The following PTPRR variants were observed in gnomAD, a reference collection of about 807,000 sequenced individuals.
PTPRR encodes the protein receptor-type tyrosine-protein phosphatase R.
Under a neutral mutation model 77.2 loss-of-function variants are expected in PTPRR, and 38 were observed. The ratio of observed to expected loss-of-function variants is 0.49; its 90% CI spans 0.38 to 0.65. The LOEUF (loss-of-function observed/expected upper bound fraction) is 0.65. Among genes scored for constraint, PTPRR ranks in the 30% least tolerant of loss-of-function variants. The pLI, the probability that PTPRR is intolerant of heterozygous loss-of-function variation, is 0.00. For missense variants in PTPRR, 744 were observed against 799.2 expected, an observed-to-expected ratio of 0.93 and a Z score of 0.83; for synonymous variants, 299 against 283.1, an observed-to-expected ratio of 1.06 and a Z score of -0.57.
chr12:70,692,965 T>G (rs1449800419), intron 8 of PTPRR, among the ~76,000 whole-genome samples: 1 of 152,224 alleles, frequency 6.6e-6, no homozygotes, highest in Admixed American at 6.5e-5. Flanking sequence ...ACAGAGGGTT[T>G]AATGTCAGAA....
rs1294671345 is a variant in PTPRR, at chr12:70,856,622, C to G, written c.357+36057G>C. Reference sequence around the variant, plus strand: ...TCTGTGAAAATCACTTCGGAGATAACAGAGGTCACACCTAGAGCTAGGGAT... The same window carrying G: ...TCTGTGAAAATCACTTCGGAGATAAGAGAGGTCACACCTAGAGCTAGGGAT... On this transcript the variant is annotated intron_variant, in intron 2 of 13. Coordinates refer to ENST00000283228, the MANE Select transcript of PTPRR (RefSeq NM_002849.4). Among the ~76,000 whole-genome samples the G allele has an allele frequency of 3.3e-5, 5 of 152,256 alleles. No individual in the cohort carries two copies. The East Asian group carries it at 9.6e-4, about 29-fold the overall frequency.
At chr12:70,763,615 G>A (rs1890743008) in intron 3 of PTPRR, among the ~76,000 whole-genome samples, 1 of 152,110 alleles carries the variant, frequency 6.6e-6, no homozygotes, top group African/African-American at 2.4e-5. Context: ...AAAACAAAAA[G>A]CAAATTCCCT....
At chr12:70,907,672 A>G (rs1893642008) in intron 1 of PTPRR, among the ~76,000 whole-genome samples, 1 of 152,230 alleles carries the variant, frequency 6.6e-6, no homozygotes, top group Non-Finnish European at 1.5e-5. Context: ...GTGACTAGAC[A>G]TAAGTCATGA....
Position 70,859,063 on chromosome 12 carries a change from C to A in PTPRR, c.357+33616G>T, listed in dbSNP as rs114583235. Among the ~76,000 whole-genome samples, 331 of 151,980 alleles carry A rather than the reference C, an allele frequency of 2.2e-3. 3 individuals carry two copies. Among genetic ancestry groups the A allele is most frequent in the African/African-American group, 7.5e-3 (309 of 41,450 alleles). ...GTTTCTTAAGCACCAGTTCTTCATA[C>A]CAGGACATCCAATCTGTTGCCAACT... On this transcript the variant is annotated intron_variant, in intron 2 of 13. Transcript: ENST00000283228.
At position 70,785,453 on chromosome 12, in the gene PTPRR, A is replaced by G. The variant is rs559108070; in HGVS notation, c.358-20675T>C. The stretch of plus-strand genomic sequence containing the variant: ...TGCAGAGACCTAAAATTTAGAAATT[A>G]CATGAAGAACTTTTGTATATTGTTC... On this transcript the variant is annotated intron_variant, in intron 2 of 13. Coordinates refer to ENST00000283228, the MANE Select transcript of PTPRR (RefSeq NM_002849.4). 2.4e-4 allele frequency among the ~76,000 whole-genome samples: 36 copies of G among 152,292 alleles called. 3 individuals carry two copies. The South Asian group carries it at 7.5e-3, about 32-fold the overall frequency.
At chr12:70,874,751 G>A (rs1893020581) in intron 2 of PTPRR, among the ~76,000 whole-genome samples, 1 of 151,892 alleles carries the variant, frequency 6.6e-6, no homozygotes, top group Non-Finnish European at 1.5e-5. Context: ...GTGAAACCCT[G>A]TCTCCACTAA....
intron 8 of PTPRR, among the ~76,000 whole-genome samples, chr12:70,695,028 C>A (rs996015345): frequency 6.6e-6 from 1 of 152,080 alleles, no homozygotes; most frequent in Admixed American, 6.6e-5. Context: ...ATAAACTTGA[C>A]TTTAGCATTT....
chr12:70,697,658 G>A (rs1015941901), intron 8 of PTPRR, among the ~76,000 whole-genome samples: 5 of 142,182 alleles, frequency 3.5e-5, no homozygotes, highest in African/African-American at 1.6e-4. Flanking sequence ...ATTTACAGCT[G>A]TTTTCGTTTA....
At chr12:70,650,137 A>C (rs894151333) in intron 13 of PTPRR, among the ~76,000 whole-genome samples, 3 of 152,186 alleles carry the variant, frequency 2.0e-5, no homozygotes, top group Non-Finnish European at 4.4e-5. Flanking sequence ...CGAGTGGGGA[A>C]GACTTCGAAG....
chr12:70,811,272 A>G (rs1011318106), intron 2 of PTPRR, among the ~76,000 whole-genome samples: 4 of 152,320 alleles, frequency 2.6e-5, no homozygotes, highest in African/African-American at 9.6e-5. Flanking sequence ...TGACATTCTC[A>G]TCTACATTTT....
chr12:70,691,325 C>T (rs1285493675), intron 8 of PTPRR, among the ~76,000 whole-genome samples: 10 of 151,988 alleles, frequency 6.6e-5, no homozygotes, highest in African/African-American at 2.4e-4. Flanking sequence ...TTCGAGTTTT[C>T]TCTTCCCTTA....
intron 2 of PTPRR, among the ~76,000 whole-genome samples, chr12:70,820,103 AAT>A (rs897805345): frequency 2.3e-4 from 35 of 152,346 alleles, no homozygotes; most frequent in African/African-American, 6.7e-4. Flanking sequence ...TGTGCGCAGA[AAT>A]GTATGGAGGG....
chr12:70,839,694 A>G (rs867506825), intron 2 of PTPRR, among the ~76,000 whole-genome samples: 9 of 152,170 alleles, frequency 5.9e-5, no homozygotes, highest in Middle Eastern at 3.2e-3. Context: ...GATAAATCCA[A>G]CAGAACCTGG....
At chr12:70,668,219 A>G (rs1309163656) in intron 10 of PTPRR, among the ~76,000 whole-genome samples, 1 of 151,906 alleles carries the variant, frequency 6.6e-6, no homozygotes, top group Non-Finnish European at 1.5e-5. Context: ...AAGAGAAGGA[A>G]GAGGAGGAGA....
chr12:70,849,903 G>T (rs753970614), intron 2 of PTPRR, among the ~76,000 whole-genome samples: 1 of 151,966 alleles, frequency 6.6e-6, no homozygotes, highest in Admixed American at 6.6e-5. Flanking sequence ...CTCAGTAGAC[G>T]GAATGACAAA....
intron 8 of PTPRR, among the ~76,000 whole-genome samples, chr12:70,696,924 A>G (rs1888251937): frequency 6.6e-6 from 1 of 152,162 alleles, no homozygotes; most frequent in African/African-American, 2.4e-5. Flanking sequence ...TTCAAGGTTC[A>G]TCAGTGCCTT....
intron 4 of PTPRR, chr12:70,754,682 C>T (rs189172026): frequency 1.3e-4 from 208 of 1,597,010 alleles, no homozygotes; most frequent in Non-Finnish European, 1.6e-4. Context: ...AACATCAGCA[C>T]CCTGGATTAC....
intron 13 of PTPRR, among the ~76,000 whole-genome samples, chr12:70,646,317 A>C (rs568149811): frequency 1.3e-5 from 2 of 152,188 alleles, no homozygotes; most frequent in African/African-American, 4.8e-5. Context: ...GGAGAACTTA[A>C]ATGTAAATTT....
intron 6 of PTPRR, among the ~76,000 whole-genome samples, chr12:70,714,412 C>G (rs1415217056): frequency 6.6e-6 from 1 of 152,114 alleles, no homozygotes; most frequent in East Asian, 1.9e-4. Flanking sequence ...GTTATGTACC[C>G]TTCTTTCAAT....
Sources: gnomAD v4.1 joint callset for allele counts (sites outside exome capture counted in the v4.1 genomes callset) on GRCh38, gnomAD v4.1.1 for gene constraint, MANE v1.5 for transcripts, NCBI Gene and HGNC (gene_info 2026-07-23, HGNC 2026-07-21) for gene names.